The following ZAN variants were observed in gnomAD, a reference collection of about 807,000 sequenced individuals.
The protein encoded by ZAN is zonadhesin.
In ZAN, 260 loss-of-function variants were observed where a neutral mutation model predicts 286.2. That is an observed-to-expected ratio of 0.91 (90% CI 0.82 to 1.01). ZAN has a LOEUF of 1.01. ZAN is among the 50% of genes least tolerant of loss of function. ZAN has a pLI of 0.00. For missense variants in ZAN, 3,410 were observed against 3,639.2 expected (o/e 0.94, Z 1.62); for synonymous variants, 1,368 against 1,417.5 (o/e 0.97, Z 0.79).
Position 100,758,525 on chromosome 7 carries a change from T to A in ZAN, c.3452-6T>A. On this transcript the variant is annotated splice_region_variant and splice_polypyrimidine_tract_variant and intron_variant, in intron 16 of 47. Transcript: ENST00000613979. ...CAGCTTCGCCTGTTCTCCTTCCCCCTCCCAGCAGGCACTGCCACCTGCTTG... is the reference window on the plus strand; with the variant it reads ...CAGCTTCGCCTGTTCTCCTTCCCCCACCCAGCAGGCACTGCCACCTGCTTG... 3 of 1,556,336 alleles carry A rather than the reference T, an allele frequency of 1.9e-6. No individual in the cohort carries two copies. Among genetic ancestry groups the A allele is most frequent in the Non-Finnish European group, 2.6e-6 (3 of 1,149,976 alleles).
chr7:100,764,040 C>T lies in ZAN; in HGVS notation c.4111C>T (p.His1371Tyr), dbSNP rs777190879. 2 of 1,613,910 alleles carry T rather than the reference C, an allele frequency of 1.2e-6. No homozygotes were observed. The highest frequency in any genetic ancestry group is 1.7e-5 in the Admixed American group (1 of 59,996). The change falls in exon 22 of 48, where the codon CAC (histidine) becomes TAC (tyrosine). Residue 1371 changes from histidine (H) to tyrosine (Y), a missense_variant. By Grantham distance (83) the His-to-Tyr change is moderately conservative. Around this residue, in one of 7 missense-constraint regions of ZAN, gnomAD observed 1,042 missense variants for 1,058.0 expected, o/e 0.98. Coordinates refer to ENST00000613979, the MANE Select transcript of ZAN (RefSeq NM_003386.3). ...THGPFETCLL[H>Y]VKAASFFDSC... is the part of the protein sequence containing the mutation. ...CACTCCCCTCAGGACATGCCTGCTG[C>T]ACGTGAAGGCCGCTTCCTTCTTCGA...
intron 11 of ZAN, among the ~76,000 whole-genome samples, chr7:100,748,743 T>C (rs1372097396): frequency 6.6e-6 from 1 of 152,076 alleles, no homozygotes; most frequent in East Asian, 1.9e-4. Flanking sequence ...TCATTTTCAG[T>C]CTAGACGTTT....
rs140521765 is a variant in ZAN at position 100,773,878 on chromosome 7, C to T, written c.5779+13C>T. The T allele has an allele frequency of 6.3e-4, 1,002 of 1,594,586 alleles. 4 individuals carry two copies. Among genetic ancestry groups the T allele is most frequent in the African/African-American group, 5.5e-3 (410 of 74,716 alleles). On this transcript the variant is annotated intron_variant, in intron 31 of 47. Coordinates refer to ENST00000613979, the MANE Select transcript of ZAN (RefSeq NM_003386.3). Reference sequence around the variant, plus strand: ...TGTCGGGCCTCAGGTAGGAGGACCACGGTGATGGGGGGACTCCACAGCCCT... The same window carrying T: ...TGTCGGGCCTCAGGTAGGAGGACCATGGTGATGGGGGGACTCCACAGCCCT...
chr7:100,757,354 C>T (rs962687018), intron 15 of ZAN, among the ~76,000 whole-genome samples: 34 of 151,552 alleles, frequency 2.2e-4, no homozygotes, highest in Admixed American at 1.8e-3. Context: ...TCCTTGCCCT[C>T]ATAATGCCCT....
At chr7:100,796,678 A>C (rs898120474) in intron 45 of ZAN, among the ~76,000 whole-genome samples, 2 of 152,036 alleles carry the variant, frequency 1.3e-5, no homozygotes, top group Non-Finnish European at 2.9e-5. Context: ...GGCCTCCCAA[A>C]GTGCTGGGAT....
rs555967903 is a variant in ZAN, at chr7:100,752,578, C to T, written c.2473C>T (p.Pro825Ser). 7 of 1,612,364 alleles carry T rather than the reference C, an allele frequency of 4.3e-6. No homozygotes were observed. In the Admixed American group the frequency reaches 6.7e-5, roughly 15 times the overall value. ...PSIPMEKPTL[P>S]TEETTTSVEE... is the part of the protein sequence containing the mutation. ...CATCCCCATGGAAAAACCCACTCTC[C>T]CCACTGAAGAAACCACCACCTCTGT... Residue 825 changes from proline (P) to serine (S), a missense_variant, in exon 14 of 48, where the codon CCC (proline) becomes TCC (serine). Coordinates refer to ENST00000613979, the MANE Select transcript of ZAN (RefSeq NM_003386.3).
In ZAN at chr7:100,769,967, C is replaced by T. The variant is rs1310288570; in HGVS notation, c.5241C>T (p.Asn1747=). The T allele has an allele frequency of 9.0e-6, 14 of 1,562,650 alleles. No individual in the cohort carries two copies. The highest frequency in any genetic ancestry group is 1.2e-5 in the South Asian group (1 of 84,664). The change falls in exon 28 of 48, where the codon AAC becomes AAT. Residue 1747 remains asparagine, a synonymous_variant. Coordinates refer to ENST00000613979, the MANE Select transcript of ZAN (RefSeq NM_003386.3). Reference sequence around the variant, plus strand: ...ACAAGAACTGTGCGATCTTAATAAACCCTCAGGGTAAGACATGTCCCTGCT... The same window carrying T: ...ACAAGAACTGTGCGATCTTAATAAATCCTCAGGGTAAGACATGTCCCTGCT... ...AWNKNCAILI[N]PQGPFSQCHQ...
rs750250116 is a variant in ZAN, at chr7:100,752,558, C to A, written c.2453C>A (p.Pro818His). ...ATCTCCACAGAAAAACCCAGCATCC[C>A]CATGGAAAAACCCACTCTCCCCACT... ...TTISTEKPSIPMEKPTLPTEE... is the reference protein window; with the variant it reads ...TTISTEKPSIHMEKPTLPTEE... The change falls in exon 14 of 48, where the codon CCC becomes CAC. Residue 818 changes from proline (P) to histidine (H), a missense_variant. Pro to His is a moderately conservative substitution (Grantham distance 77). Coordinates refer to ENST00000613979, the MANE Select transcript of ZAN (RefSeq NM_003386.3). 1.2e-5 allele frequency: 20 copies of A among 1,613,224 alleles called. No homozygotes were observed. The highest frequency in any genetic ancestry group is 1.7e-5 in the Non-Finnish European group (20 of 1,179,800).
At chr7:100,770,368 G>A (rs1248414816) in intron 28 of ZAN, among the ~76,000 whole-genome samples, 1 of 151,682 alleles carries the variant, frequency 6.6e-6, no homozygotes, top group East Asian at 2.0e-4. Flanking sequence ...GCTGGGCCTG[G>A]TGACGGGCAC....
chr7:100,796,660 GC>G (rs905413018), intron 45 of ZAN, among the ~76,000 whole-genome samples: 1 of 151,990 alleles, frequency 6.6e-6, no homozygotes, highest in African/African-American at 2.4e-5. Flanking sequence ...AGGTGATCCT[GC>G]CACCTTGGCC....
chr7:100,792,917 G>A (rs929650932), intron 42 of ZAN, among the ~76,000 whole-genome samples: 1 of 143,648 alleles, frequency 7.0e-6, no homozygotes, highest in Non-Finnish European at 1.5e-5. Flanking sequence ...TTCCAGCCAG[G>A]CTGCAGTGAA....
chr7:100,751,315 C>T (rs1189478398), intron 13 of ZAN, 49 bp downstream of exon 13: 1 of 1,382,386 alleles, frequency 7.2e-7, no homozygotes, highest in Admixed American at 2.5e-5. Flanking sequence ...CCTGAGGTTC[C>T]CTGGAGTTCT....
At chr7:100,749,537 G>C (rs987856630) in intron 11 of ZAN, among the ~76,000 whole-genome samples, 9 of 151,432 alleles carry the variant, frequency 5.9e-5, no homozygotes, top group African/African-American at 2.2e-4. Flanking sequence ...CTACTCGGGA[G>C]GCTGAGGCAG....
At chr7:100,761,716 G>A (rs1809593588) in intron 19 of ZAN, among the ~76,000 whole-genome samples, 1 of 151,898 alleles carries the variant, frequency 6.6e-6, no homozygotes. Flanking sequence ...GGAGGCCAAG[G>A]CAGGCAGATT....
At chr7:100,785,258 C>T (rs1257736885) in intron 36 of ZAN, among the ~76,000 whole-genome samples, 1 of 147,720 alleles carries the variant, frequency 6.8e-6, no homozygotes, top group Non-Finnish European at 1.5e-5. Context: ...GACGGAGTCT[C>T]CCTCTATTAT....
intron 44 of ZAN, among the ~76,000 whole-genome samples, chr7:100,794,846 G>A (rs1023447304): frequency 3.5e-5 from 5 of 141,632 alleles, no homozygotes; most frequent in Non-Finnish European, 7.7e-5. Context: ...CAAAAAAGAA[G>A]AGAAGAGAAG....
intron 39 of ZAN, among the ~76,000 whole-genome samples, chr7:100,790,709 A>C (rs1584633464): frequency 6.6e-6 from 1 of 151,818 alleles, no homozygotes; most frequent in Non-Finnish European, 1.5e-5. Context: ...ATGGTGAAAC[A>C]CTGTCTCTAC....
intron 41 of ZAN, 72 bp downstream of exon 41, chr7:100,792,220 CCGCTTCCTGACCCAA>C: frequency 2.7e-6 from 4 of 1,505,318 alleles, no homozygotes; most frequent in Admixed American, 4.5e-5. Flanking sequence ...GGCCTCCTGC[CCGCTTCCTGACCCAA>C]GCTCTGTGTG....
Position 100,767,844 on chromosome 7 carries a change from G to C in ZAN, c.4874G>C (p.Arg1625Pro). 6.2e-7 allele frequency: 1 copy of C among 1,612,956 alleles called. No individual in the cohort carries two copies. The highest frequency in any genetic ancestry group is 1.1e-5 in the South Asian group (1 of 90,966). ...CTGCCTCTGCAGCTGAATGGCCATC[G>C]GGTGGCCCTACCTGTGTGGCTTGCA... Reference protein sequence around the residue: ...RGCKVMLNGHRVALPVWLAQG... With the variant: ...RGCKVMLNGHPVALPVWLAQG... The change falls in exon 26 of 48, where the codon CGG becomes CCG. Residue 1625 changes from arginine (R) to proline (P), a missense_variant. Coordinates refer to ENST00000613979, the MANE Select transcript of ZAN (RefSeq NM_003386.3).
Sources: gnomAD v4.1 joint callset for allele counts (sites outside exome capture counted in the v4.1 genomes callset) on GRCh38, gnomAD v4.1.1 for gene constraint, gnomAD v4.1.1 regional missense constraint, MANE v1.5 for transcripts, NCBI Gene and HGNC (gene_info 2026-07-23, HGNC 2026-07-21) for gene names.